The following UBN2 variants were observed in gnomAD, a reference collection of about 807,000 sequenced individuals.
UBN2 encodes ubinuclein 2.
Under a neutral mutation model 120.2 loss-of-function variants are expected in UBN2, and 35 were observed. The ratio of observed to expected loss-of-function variants is 0.29; its 90% confidence interval spans 0.22 to 0.39. UBN2 has a LOEUF of 0.39. UBN2 is among the 10% of genes least tolerant of loss of function. The probability of loss-of-function intolerance (pLI) is 1.00; values close to 1 mark genes in which losing one functional copy is unlikely to be tolerated. For missense variants in UBN2, 1,693 were observed against 1,663.2 expected, an observed-to-expected ratio of 1.02 and a Z score of -0.31; for synonymous variants, 661 against 648.7, an observed-to-expected ratio of 1.02 and a Z score of -0.29.
At chr7:139,313,640 A>G in the UBN2 span, among the ~76,000 whole-genome samples, 27 of 152,162 alleles carry the variant, frequency 1.8e-4, no homozygotes, top group African/African-American at 5.8e-4. Context: ...TCTTTGTTCC[A>G]TATTTTAATG....
intron 3 of UBN2, among the ~76,000 whole-genome samples, chr7:139,255,725 C>G (rs1439821759): frequency 6.6e-6 from 1 of 151,888 alleles, no homozygotes; most frequent in Non-Finnish European, 1.5e-5. Context: ...AGTAAGCTTT[C>G]AGTGTTGGCA....
In UBN2 at chr7:139,272,378, G is replaced by C; in HGVS notation, c.1653G>C (p.Met551Ile). 1 of 1,613,986 alleles carries C rather than the reference G, an allele frequency of 6.2e-7. No homozygotes were observed. Among genetic ancestry groups the C allele is most frequent in the Non-Finnish European group, 8.5e-7 (1 of 1,179,980 alleles). ...QKLKLAVSNV[M>I]PEQLFKYQED... The stretch of plus-strand genomic sequence containing the variant: ...TGAAACTGGCTGTTAGCAATGTCAT[G>C]CCTGAACAGCTATTTAAATACCAGG... The change falls in exon 9 of 18, where the codon ATG (methionine) becomes ATC (isoleucine). Residue 551 changes from methionine (M) to isoleucine (I), a missense_variant. Met to Ile is a conservative substitution (Grantham distance 10). Around this residue, in one of 5 missense-constraint regions of UBN2, gnomAD observed 178 missense variants for 204.0 expected, o/e 0.87. Transcript: ENST00000473989.
chr7:139,245,579 G>GCA (rs1470464063), intron 2 of UBN2, among the ~76,000 whole-genome samples: 1 of 152,172 alleles, frequency 6.6e-6, no homozygotes, highest in African/African-American at 2.4e-5. Context: ...TAAATTGTTT[G>GCA]CACTTCTACA....
intron 15 of UBN2, among the ~76,000 whole-genome samples, chr7:139,292,407 G>A (rs1348054848): frequency 5.3e-5 from 8 of 152,052 alleles, no homozygotes; most frequent in Admixed American, 4.6e-4. Flanking sequence ...GTTTTTATTC[G>A]TAAACATGGC....
intron 1 of UBN2, among the ~76,000 whole-genome samples, chr7:139,232,281 G>A (rs1796046587): frequency 6.6e-6 from 1 of 152,244 alleles, no homozygotes; most frequent in African/African-American, 2.4e-5. Flanking sequence ...AAATCCTGGG[G>A]CCCTGCAGGC....
Position 139,236,994 on chromosome 7 carries a change from C to T in UBN2, c.469-11C>T. ...ATACTTCTCTTTCTTTTCCCATTCA[C>T]CTTGAATCAGAAGAAGCTCATTCAC... On this transcript the variant is annotated splice_polypyrimidine_tract_variant and intron_variant, in intron 1 of 17. Coordinates refer to ENST00000473989, the MANE Select transcript of UBN2 (RefSeq NM_173569.4). The T allele has an allele frequency of 1.3e-6, 2 of 1,582,778 alleles. No homozygotes were observed. Among genetic ancestry groups the T allele is most frequent in the Non-Finnish European group, 1.7e-6 (2 of 1,156,574 alleles).
chr7:139,242,623 A>C lies in UBN2; in HGVS notation c.561+5526A>C, dbSNP rs10256857. Among the ~76,000 whole-genome samples the C allele has an allele frequency of 8.6e-3, 1,311 of 152,338 alleles. 22 individuals are homozygous for C. The highest frequency in any genetic ancestry group is 0.03 in the African/African-American group (1,244 of 41,564). The stretch of plus-strand genomic sequence containing the variant: ...GCTCAAATAATAATTTCTTTATTGC[A>C]GTTACCCATTCTGATCACTTGCTGT... On this transcript the variant is annotated intron_variant, in intron 2 of 17. Transcript: ENST00000473989.
chr7:139,295,854 G>A (rs1798095204), intron 17 of UBN2, among the ~76,000 whole-genome samples: 1 of 152,212 alleles, frequency 6.6e-6, no homozygotes, highest in South Asian at 2.1e-4. Context: ...CTGGGAGGTT[G>A]AGGCTGCAGT....
At chr7:139,252,120 G>T in intron 3 of UBN2, 63 bp downstream of exon 3, 1 of 1,394,848 alleles carries the variant, frequency 7.2e-7, no homozygotes, top group Non-Finnish European at 1.0e-6. Context: ...TAGAAGTCAA[G>T]GGTAAAGTAA....
At chr7:139,314,284 A>G in the UBN2 span, among the ~76,000 whole-genome samples, 4 of 151,222 alleles carry the variant, frequency 2.6e-5, no homozygotes, top group Non-Finnish European at 5.9e-5. Context: ...GTGAAACCCC[A>G]TCTCTACTAA....
At chr7:139,244,060 A>AT in intron 2 of UBN2, among the ~76,000 whole-genome samples, 1 of 152,330 alleles carries the variant, frequency 6.6e-6, no homozygotes, top group Admixed American at 6.5e-5. Flanking sequence ...AATGATAGAA[A>AT]GTAAATCTCC....
At chr7:139,237,978 G>C (rs1796212046) in intron 2 of UBN2, among the ~76,000 whole-genome samples, 2 of 152,158 alleles carry the variant, frequency 1.3e-5, no homozygotes, top group Admixed American at 1.3e-4. Flanking sequence ...AGTGGTGTTT[G>C]TTTGAATACA....
chr7:139,324,213 C>T, the UBN2 span, among the ~76,000 whole-genome samples: 1 of 152,150 alleles, frequency 6.6e-6, no homozygotes, highest in Non-Finnish European at 1.5e-5. Flanking sequence ...AATGGAGATC[C>T]TTAATGGGTC....
chr7:139,239,767 G>A (rs1796265542), intron 2 of UBN2, among the ~76,000 whole-genome samples: 1 of 152,094 alleles, frequency 6.6e-6, no homozygotes, highest in South Asian at 2.1e-4. Flanking sequence ...ATGTTGGTCA[G>A]GCTGGTCTCG....
At chr7:139,296,832 G>C (rs1263078337) in intron 17 of UBN2, among the ~76,000 whole-genome samples, 2 of 152,152 alleles carry the variant, frequency 1.3e-5, no homozygotes, top group Non-Finnish European at 2.9e-5. Context: ...TGAGGCTATA[G>C]TGTGCTATGA....
the UBN2 span, among the ~76,000 whole-genome samples, chr7:139,327,483 G>C: frequency 3.3e-5 from 5 of 152,198 alleles, no homozygotes; most frequent in East Asian, 9.7e-4. Context: ...GCTGGCATCT[G>C]GTGAGGGCCT....
At chr7:139,242,867 A>G (rs1796359552) in intron 2 of UBN2, among the ~76,000 whole-genome samples, 2 of 152,024 alleles carry the variant, frequency 1.3e-5, no homozygotes, top group African/African-American at 4.8e-5. Context: ...GCTCCTTTCT[A>G]TTGGTAGGTT....
chr7:139,288,794 G>A (rs1439211554), intron 15 of UBN2, among the ~76,000 whole-genome samples: 1 of 151,956 alleles, frequency 6.6e-6, no homozygotes, highest in Non-Finnish European at 1.5e-5. Flanking sequence ...ACGAGGTCAG[G>A]AGATTGAGGT....
At chr7:139,273,696 T>C (rs1797357387) in intron 10 of UBN2, among the ~76,000 whole-genome samples, 1 of 152,232 alleles carries the variant, frequency 6.6e-6, no homozygotes, top group Admixed American at 6.5e-5. Context: ...TTTAGCCATC[T>C]TTCTCAATAG....
Sources: allele counts gnomAD v4.1 joint callset (sites outside exome capture counted in the v4.1 genomes callset), GRCh38; gene constraint gnomAD v4.1.1; regional missense constraint gnomAD v4.1.1; transcripts MANE v1.5; gene names NCBI Gene and HGNC (gene_info 2026-07-23, HGNC 2026-07-21).